Variants in ZNF423 observed in about 807,000 individuals in gnomAD.
The protein encoded by ZNF423 is Ebf-associated zinc finger protein.
A neutral mutation model predicts 95.8 loss-of-function variants in ZNF423; 12 were observed. That is an observed-to-expected ratio of 0.13 (90% CI 0.08 to 0.20). The LOEUF (loss-of-function observed/expected upper bound fraction) is 0.20. ZNF423 is among the 10% of genes least tolerant of loss of function. The pLI, the probability that ZNF423 is intolerant of heterozygous loss-of-function variation, is 1.00. For synonymous variants in ZNF423, 749 were observed against 711.9 expected, an observed-to-expected ratio of 1.05 and a Z score of -0.83; for missense variants, 1,316 against 1,737.1, an observed-to-expected ratio of 0.76 and a Z score of 4.31.
At chr16:49,796,821 A>G (rs6500258) in intron 1 of ZNF423, among the ~76,000 whole-genome samples, 87,219 of 152,002 alleles carry the variant, frequency 0.57, 25,137 homozygotes, top group African/African-American at 0.63. Flanking sequence ...CACAGGCACA[A>G]AAGGGCACTG....
chr16:49,653,802 A>G (rs1973503462), intron 3 of ZNF423, among the ~76,000 whole-genome samples: 1 of 152,160 alleles, frequency 6.6e-6, no homozygotes. Flanking sequence ...GCCTTCCCTG[A>G]CTGCCTCTGT....
chr16:49,639,950 G>A (rs549060208), intron 3 of ZNF423, among the ~76,000 whole-genome samples: 1 of 152,316 alleles, frequency 6.6e-6, no homozygotes, highest in East Asian at 1.9e-4. Flanking sequence ...GAGCCAGCCC[G>A]GGCAGGGAGT....
At chr16:49,763,202 A>G (rs769997881) in intron 2 of ZNF423, among the ~76,000 whole-genome samples, 53 of 152,136 alleles carry the variant, frequency 3.5e-4, no homozygotes, top group Non-Finnish European at 5.6e-4. Context: ...CACAAATCTT[A>G]AGCAAACTGG....
intron 5 of ZNF423, among the ~76,000 whole-genome samples, chr16:49,608,758 A>C (rs543090083): frequency 1.2e-4 from 19 of 152,300 alleles, no homozygotes; most frequent in African/African-American, 4.6e-4. Context: ...GCCTGGCAAA[A>C]CAGAAAACGT....
chr16:49,832,374 A>G (rs1166727326), intron 1 of ZNF423, among the ~76,000 whole-genome samples: 1 of 152,186 alleles, frequency 6.6e-6, no homozygotes, highest in Non-Finnish European at 1.5e-5. Context: ...GGAAAAGGCC[A>G]GGAATGTTCT....
intron 3 of ZNF423, among the ~76,000 whole-genome samples, chr16:49,700,773 C>G (rs1275180002): frequency 4.6e-5 from 7 of 152,216 alleles, no homozygotes; most frequent in African/African-American, 1.7e-4. Flanking sequence ...CCTTGGGCCC[C>G]CTCTGCTGGG....
chr16:49,787,428 C>T (rs1043008514), intron 2 of ZNF423, among the ~76,000 whole-genome samples: 3 of 152,064 alleles, frequency 2.0e-5, no homozygotes, highest in African/African-American at 4.8e-5. Flanking sequence ...GCAGAGAATC[C>T]GAAACTGGCA....
intron 5 of ZNF423, among the ~76,000 whole-genome samples, chr16:49,549,995 C>G (rs999706147): frequency 6.6e-6 from 1 of 152,048 alleles, no homozygotes; most frequent in African/African-American, 2.4e-5. Context: ...ACCTCAGCCT[C>G]CCAAGTAGCT....
At chr16:49,771,905 A>C (rs1222233186) in intron 2 of ZNF423, among the ~76,000 whole-genome samples, 1 of 152,222 alleles carries the variant, frequency 6.6e-6, no homozygotes, top group Non-Finnish European at 1.5e-5. Flanking sequence ...AGCCTTAGCC[A>C]GGGTTCTCCC....
rs1302140348 is a variant in ZNF423 at position 49,528,506 on chromosome 16, CCA to C, written c.3602-3014_3602-3013del. Among the ~76,000 whole-genome samples, 10 of 152,078 alleles carry C rather than the reference CCA, an allele frequency of 6.6e-5. 1 individual carries two copies. Among genetic ancestry groups the C allele is most frequent in the Non-Finnish European group, 1.5e-5 (1 of 68,022 alleles). ...CTCGGGACCCTTTCCTCTCTCTCCC[CCA>C]AGTGTTTTAAGAGAGTCAAACCTGG... On this transcript the variant is annotated intron_variant, in intron 5 of 7. Transcript: ENST00000563137.
At chr16:49,759,029 A>G (rs1207619822) in intron 2 of ZNF423, among the ~76,000 whole-genome samples, 1 of 152,214 alleles carries the variant, frequency 6.6e-6, no homozygotes, top group Non-Finnish European at 1.5e-5. Flanking sequence ...TAAGTTCTAC[A>G]TTGACTTTGT....
chr16:49,584,625 T>C (rs989673508), intron 5 of ZNF423, among the ~76,000 whole-genome samples: 1 of 152,066 alleles, frequency 6.6e-6, no homozygotes, highest in Non-Finnish European at 1.5e-5. Context: ...CAGAGCTAGC[T>C]TCCTCTGGGG....
At chr16:49,821,587 G>T (rs975586695) in intron 1 of ZNF423, among the ~76,000 whole-genome samples, 1 of 152,120 alleles carries the variant, frequency 6.6e-6, no homozygotes, top group Non-Finnish European at 1.5e-5. Flanking sequence ...TCACTCTAAG[G>T]CCTTCAGGGG....
chr16:49,510,908 C>A (rs12924568), intron 7 of ZNF423, among the ~76,000 whole-genome samples: 1 of 152,070 alleles, frequency 6.6e-6, no homozygotes, highest in Admixed American at 6.5e-5. Context: ...GCCCATCTGT[C>A]GAGATGGCAT....
At chr16:49,716,056 G>T (rs1298711049) in intron 3 of ZNF423, among the ~76,000 whole-genome samples, 2 of 151,962 alleles carry the variant, frequency 1.3e-5, no homozygotes, top group African/African-American at 4.8e-5. Flanking sequence ...CAGGGGAGTG[G>T]ATTCATCCCC....
intron 3 of ZNF423, among the ~76,000 whole-genome samples, chr16:49,680,782 T>TGG (rs1567286553): frequency 6.6e-6 from 1 of 152,196 alleles, no homozygotes; most frequent in Admixed American, 6.5e-5. Flanking sequence ...TTGGCAGGTA[T>TGG]GGGATCCAGG....
At position 49,807,248 on chromosome 16, in the gene ZNF423, G is replaced by A. The variant is rs142587286; in HGVS notation, c.41-17702C>T. Reference sequence around the variant, plus strand: ...AGATCGAGACCATCCTGGCTAATGCGGTGAAACCCCATCTCTACTAAAAAT... The same window carrying A: ...AGATCGAGACCATCCTGGCTAATGCAGTGAAACCCCATCTCTACTAAAAAT... On this transcript the variant is annotated intron_variant, in intron 1 of 7. Coordinates refer to ENST00000563137, the MANE Select transcript of ZNF423 (RefSeq NM_001379286.1). 1.1e-3 allele frequency among the ~76,000 whole-genome samples: 163 copies of A among 151,976 alleles called. No individual in the cohort carries two copies. In the South Asian group the frequency reaches 0.011, roughly 10 times the overall value.
At position 49,745,632 on chromosome 16, in the gene ZNF423, G is replaced by A. The variant is rs112086670; in HGVS notation, c.101-14661C>T. Among the ~76,000 whole-genome samples, 13 of 152,324 alleles carry A rather than the reference G, an allele frequency of 8.5e-5. No individual in the cohort carries two copies. The South Asian group carries it at 1.0e-3, about 12-fold the overall frequency. ...CGAGCGCGACGTGGTCTTCCCGTTC[G>A]CAGCGTGGTGCAATTACCCTTAGTC... On this transcript the variant is annotated intron_variant, in intron 2 of 7. Coordinates refer to ENST00000563137, the MANE Select transcript of ZNF423 (RefSeq NM_001379286.1).
chr16:49,797,342 C>A (rs1029923568), intron 1 of ZNF423, among the ~76,000 whole-genome samples: 1 of 152,186 alleles, frequency 6.6e-6, no homozygotes, highest in Admixed American at 6.5e-5. Context: ...CACACTCTGT[C>A]TACCCAGCAC....
Sources: gnomAD v4.1 joint callset for allele counts (sites outside exome capture counted in the v4.1 genomes callset) on GRCh38, gnomAD v4.1.1 for gene constraint, MANE v1.5 for transcripts, NCBI Gene and HGNC (gene_info 2026-07-23, HGNC 2026-07-21) for gene names.